ACSS1: variants seen among roughly 807,000 people sequenced by gnomAD.
The protein encoded by ACSS1 is acetyl-coenzyme A synthetase 2-like, mitochondrial.
A neutral mutation model predicts 75.3 loss-of-function variants in ACSS1; 42 were observed. That is an observed-to-expected ratio of 0.56 (90% CI 0.44 to 0.72). The LOEUF is 0.72. ACSS1 is among the 30% of genes least tolerant of loss of function. ACSS1 has a pLI of 0.00. For synonymous variants in ACSS1, 380 were observed against 376.8 expected (o/e 1.01, Z -0.10); for missense variants, 782 against 935.7 (o/e 0.84, Z 2.14).
chr20:25,024,954 C>G (rs1055626560), intron 3 of ACSS1, among the ~76,000 whole-genome samples: 1 of 152,196 alleles, frequency 6.6e-6, no homozygotes, highest in African/African-American at 2.4e-5. Flanking sequence ...CAAGCCTCAG[C>G]GATAGCTCAC....
At chr20:25,040,647 G>T (rs1305119183) in intron 2 of ACSS1, among the ~76,000 whole-genome samples, 1 of 152,176 alleles carries the variant, frequency 6.6e-6, no homozygotes, top group Admixed American at 6.5e-5. Flanking sequence ...TATTTCCACC[G>T]CTGATTCTCG....
At chr20:25,014,252 G>A (rs949852426) in intron 8 of ACSS1, among the ~76,000 whole-genome samples, 179 bp from the exon 9 acceptor site, 3 of 152,164 alleles carry the variant, frequency 2.0e-5, no homozygotes, top group Non-Finnish European at 4.4e-5. Flanking sequence ...TATGAGAGGC[G>A]GCCCCACAGT....
Position 25,020,126 on chromosome 20 carries a change from TCTA to T in ACSS1, c.1127_1129del (p.Val376del). The T allele has an allele frequency of 1.2e-6, 2 of 1,614,244 alleles. No individual in the cohort carries two copies. Among genetic ancestry groups the T allele is most frequent in the Non-Finnish European group, 1.7e-6 (2 of 1,180,042 alleles). On this transcript the variant is annotated inframe_deletion, in exon 7 of 14. Transcript: ENST00000323482. ...ATAGAACTGATTGATCTTCAACCTC[TCTA>T]CTGTCTCCCAGTACCGACCTACAGA... is the stretch of plus-strand genomic sequence containing the variant.
At chr20:25,046,729 G>A (rs1032674114) in intron 2 of ACSS1, 4 of 763,584 alleles carry the variant, frequency 5.2e-6, no homozygotes, top group Non-Finnish European at 9.8e-6. Context: ...AGGGGCAGCT[G>A]CAGCAGCTTG....
At position 25,012,866 on chromosome 20, in the gene ACSS1, A is replaced by G; in HGVS notation, c.1653T>C (p.Asp551=). Residue 551 remains aspartate, a synonymous_variant, in exon 11 of 14, where the codon GAT becomes GAC. Coordinates refer to ENST00000323482, the MANE Select transcript of ACSS1 (RefSeq NM_032501.4). ...GCCGGTGGCCACTGATGTTGATGAC[A>G]TCATCCATCCGCCCTGTGATCTGGT... The part of the protein sequence containing the change: ...GYYQITGRMD[D]VINISGHRLG... 6.2e-7 allele frequency: 1 copy of G among 1,614,174 alleles called. No homozygotes were observed. The highest frequency in any genetic ancestry group is 2.2e-5 in the East Asian group (1 of 44,878).
Position 25,012,723 on chromosome 20 carries a change from T to G in ACSS1, c.1708-59A>C, listed in dbSNP as rs2088432465. Reference sequence around the variant, plus strand: ...GGCGGCCCCGGGTGCTAGAAGTGACTCGGGCCAGGGACTCCCACCCCAACT... The same window carrying G: ...GGCGGCCCCGGGTGCTAGAAGTGACGCGGGCCAGGGACTCCCACCCCAACT... On this transcript the variant is annotated intron_variant, in intron 11 of 13. Transcript: ENST00000323482. The G allele has an allele frequency of 2.5e-6, 4 of 1,613,424 alleles. No homozygotes were observed. The Admixed American group carries it at 6.7e-5, about 27-fold the overall frequency.
rs537463611 is a variant in ACSS1 at position 25,037,410 on chromosome 20, G to A, written c.432-6452C>T. Among the ~76,000 whole-genome samples the A allele has an allele frequency of 5.9e-5, 9 of 152,250 alleles. No homozygotes were observed. The South Asian group carries it at 6.2e-4, about 11-fold the overall frequency. On this transcript the variant is annotated intron_variant, in intron 2 of 13. Transcript: ENST00000323482. Reference sequence around the variant, plus strand: ...GTGCTGCTGCTCTGAGAAGCAAATGGGAAGGACCCCCTCTGAGAAACCAGC... The same window carrying A: ...GTGCTGCTGCTCTGAGAAGCAAATGAGAAGGACCCCCTCTGAGAAACCAGC...
At chr20:25,041,773 G>A (rs536858679) in intron 2 of ACSS1, among the ~76,000 whole-genome samples, 1 of 152,236 alleles carries the variant, frequency 6.6e-6, no homozygotes, top group Non-Finnish European at 1.5e-5. Context: ...GAATCCACAT[G>A]AGATGGGCCA....
rs1314263915 is a variant in ACSS1, at chr20:25,021,391, G to A, written c.1106C>T (p.Ala369Val). Residue 369 changes from alanine (A) to valine (V), a missense_variant and splice_region_variant, in exon 6 of 14, where the codon GCT (alanine) becomes GTT (valine). Ala to Val is a moderately conservative substitution (Grantham distance 64, BLOSUM62 0). This residue lies in a region of ACSS1 where 405 missense variants were observed against 552.6 expected (regional missense o/e 0.73). Transcript: ENST00000323482. ...LFESTPVYPN[A>V]GRYWETVERL... is the part of the protein sequence containing the mutation. ...CAAACAGGGTTCACCATCCTTACCAGCATTGGGATAAACTGGGGTGCTCTC... is the reference window on the plus strand; with the variant it reads ...CAAACAGGGTTCACCATCCTTACCAACATTGGGATAAACTGGGGTGCTCTC... 3.7e-6 allele frequency: 6 copies of A among 1,613,876 alleles called. No individual in the cohort carries two copies. In the Admixed American group the frequency reaches 6.7e-5, roughly 18 times the overall value.
intron 2 of ACSS1, chr20:25,046,565 C>T (rs944887010): frequency 1.9e-5 from 10 of 523,546 alleles, no homozygotes; most frequent in African/African-American, 7.7e-5. Flanking sequence ...CCCTCCCTGC[C>T]GGACCTCCAG....
intron 5 of ACSS1, among the ~76,000 whole-genome samples, chr20:25,022,199 A>C (rs1410908359): frequency 6.6e-6 from 1 of 152,094 alleles, no homozygotes; most frequent in African/African-American, 2.4e-5. Context: ...TCTACTAAAA[A>C]TACAAAAAAA....
chr20:25,010,570 C>A (rs1436732489), intron 12 of ACSS1: 1 of 152,338 alleles, frequency 6.6e-6, no homozygotes, highest in Non-Finnish European at 1.5e-5. Context: ...TGAAGCCTTT[C>A]CTGACTCCAC....
Position 25,020,001 on chromosome 20 carries a change from G to A in ACSS1, c.1246+9C>T. 1 of 1,614,126 alleles carries A rather than the reference G, an allele frequency of 6.2e-7. No individual in the cohort carries two copies. Among genetic ancestry groups the A allele is most frequent in the Non-Finnish European group, 8.5e-7 (1 of 1,180,022 alleles). On this transcript the variant is annotated intron_variant, in intron 7 of 13. Coordinates refer to ENST00000323482, the MANE Select transcript of ACSS1 (RefSeq NM_032501.4). ...CACAACCTCTCCTGCTGCAGGGCAG[G>A]CCGCTCACCTGACCCCAGGGTCCGC...
Position 25,030,835 on chromosome 20 carries a change from A to T in ACSS1, c.555T>A (p.Cys185Ter), listed in dbSNP as rs768571973. Residue 185 changes from cysteine to a stop codon, truncating the protein, a stop_gained, in exon 3 of 14, where the codon TGT (cysteine) becomes TGA (stop). Coordinates refer to ENST00000323482, the MANE Select transcript of ACSS1 (RefSeq NM_032501.4). LOFTEE classifies it high-confidence loss of function. ...CTGTGTGGACAGCTCCGATCCTGGC[A>T]CAGGCCAGCATTGCTGCCACAGCCA... ...SPLAVAAMLA[C>*]ARIGAVHTVI... The T allele has an allele frequency of 8.7e-6, 14 of 1,614,148 alleles. No individual in the cohort carries two copies. The highest frequency in any genetic ancestry group is 2.5e-6 in the Non-Finnish European group (3 of 1,180,060).
At chr20:25,032,340 C>G in intron 2 of ACSS1, 1 of 1,314,622 alleles carries the variant, frequency 7.6e-7, no homozygotes, top group East Asian at 2.9e-5. Context: ...TCCGGGAAAA[C>G]TGGGAGCAGG....
At chr20:25,044,945 G>A (rs1205595130) in intron 2 of ACSS1, among the ~76,000 whole-genome samples, 1 of 152,234 alleles carries the variant, frequency 6.6e-6, no homozygotes, top group African/African-American at 2.4e-5. Context: ...GACTGCATTT[G>A]TGAAGGAGGA....
chr20:25,012,109 G>C (rs898480097), intron 12 of ACSS1: 2 of 164,990 alleles, frequency 1.2e-5, no homozygotes, highest in African/African-American at 4.8e-5. Flanking sequence ...GCTGTGCAGT[G>C]GGAACCACAG....
In ACSS1 at chr20:25,012,911, G is replaced by C; in HGVS notation, c.1608C>G (p.Tyr536Ter). 1.2e-6 allele frequency: 2 copies of C among 1,614,178 alleles called. No individual in the cohort carries two copies. The highest frequency in any genetic ancestry group is 3.3e-4 in the Middle Eastern group (2 of 6,062). ...PGYYFTGDGA[Y>*]RTEGGYYQIT... ...TCTGGTAATAGCCGCCCTCAGTTCG[G>C]TAAGCCCCGTCTCCAGTGAAGTAAT... Residue 536 changes from tyrosine (Y) to a stop codon, truncating the protein, a stop_gained, in exon 11 of 14, where the codon TAC becomes TAG. Transcript: ENST00000323482. LOFTEE classifies it high-confidence loss of function.
At chr20:25,048,216 G>A (rs1568849662) in intron 1 of ACSS1, 35 bp from the exon 2 acceptor site, 1 of 1,595,236 alleles carries the variant, frequency 6.3e-7, no homozygotes, top group Non-Finnish European at 8.6e-7. Context: ...TGTTACACTT[G>A]GTGCTTTTTG....
Sources: gnomAD v4.1 joint callset for allele counts (sites outside exome capture counted in the v4.1 genomes callset) on GRCh38, gnomAD v4.1.1 for gene constraint, gnomAD v4.1.1 regional missense constraint, MANE v1.5 for transcripts, NCBI Gene and HGNC (gene_info 2026-07-23, HGNC 2026-07-21) for gene names.